Variants in ACSBG1 observed in about 807,000 individuals in gnomAD.
ACSBG1 encodes the protein long-chain-fatty-acid--CoA ligase ACSBG1.
Under a neutral mutation model 80.2 loss-of-function variants are expected in ACSBG1, and 39 were observed. The ratio of observed to expected loss-of-function variants is 0.49; its 90% CI spans 0.38 to 0.64. The LOEUF (loss-of-function observed/expected upper bound fraction) is 0.64. ACSBG1 is among the 30% of genes least tolerant of loss of function. ACSBG1 has a pLI of 0.00. For synonymous variants in ACSBG1, 392 were observed against 379.5 expected (o/e 1.03, Z -0.38); for missense variants, 828 against 966.4 (o/e 0.86, Z 1.90).
At chr15:78,210,970 A>G (rs1186958985) in intron 1 of ACSBG1, among the ~76,000 whole-genome samples, 1 of 152,236 alleles carries the variant, frequency 6.6e-6, no homozygotes, top group Admixed American at 6.5e-5. Context: ...TGCTACTTTC[A>G]GTGTGCTGGC....
chr15:78,199,094 C>CTT, intron 2 of ACSBG1, among the ~76,000 whole-genome samples: 1 of 151,560 alleles, frequency 6.6e-6, no homozygotes, highest in Non-Finnish European at 1.5e-5. Context: ...CAATATTTTT[C>CTT]TTTTCTTTTC....
chr15:78,215,037 C>G lies in ACSBG1; in HGVS notation c.132-6935G>C, dbSNP rs1198148946. On this transcript the variant is annotated intron_variant, in intron 1 of 13. Coordinates refer to ENST00000258873, the MANE Select transcript of ACSBG1 (RefSeq NM_015162.5). The stretch of plus-strand genomic sequence containing the variant: ...TTTGAGAAGCTGCTGGGAGCCCCCC[C>G]ATAGACCCCCATCAATGCACTTTGC... 2.6e-5 allele frequency among the ~76,000 whole-genome samples: 4 copies of G among 152,272 alleles called. No homozygotes were observed. In the Middle Eastern group the frequency reaches 0.01, roughly 388 times the overall value.
intron 1 of ACSBG1, among the ~76,000 whole-genome samples, chr15:78,219,834 A>G (rs1235957220): frequency 6.6e-6 from 1 of 152,082 alleles, no homozygotes; most frequent in African/African-American, 2.4e-5. Flanking sequence ...AATACAAAAA[A>G]TTAGCTGGGC....
chr15:78,210,882 G>C (rs1003450323), intron 1 of ACSBG1, among the ~76,000 whole-genome samples: 1 of 152,166 alleles, frequency 6.6e-6, no homozygotes, highest in East Asian at 1.9e-4. Flanking sequence ...CTAAAGTACT[G>C]GGATTATAGG....
chr15:78,193,903 G>A (rs1307196481), intron 4 of ACSBG1, 29 bp downstream of exon 4: 2 of 1,611,316 alleles, frequency 1.2e-6, no homozygotes, highest in Non-Finnish European at 1.7e-6. Context: ...CAACCCCCTG[G>A]AGACCCCGTC....
intron 1 of ACSBG1, 52 bp downstream of exon 1, chr15:78,234,319 T>C: frequency 6.3e-7 from 1 of 1,592,938 alleles, no homozygotes; most frequent in Non-Finnish European, 8.5e-7. Flanking sequence ...CAGAGCAAAG[T>C]CTAGAACTCG....
At position 78,180,889 on chromosome 15, in the gene ACSBG1, C is replaced by CATGTGT; in HGVS notation, c.1113_1118dup (p.His372_Met373insIleHis). On this transcript the variant is annotated inframe_insertion, in exon 9 of 14. Transcript: ENST00000258873. ...TCTTCTCCCATACCCGGGGCACCCC[C>CATGTGT]ATGTGTGATGTGGGCTCCACCTCCC... 6.2e-7 allele frequency: 1 copy of CATGTGT among 1,614,246 alleles called. No homozygotes were observed. The highest frequency in any genetic ancestry group is 8.5e-7 in the Non-Finnish European group (1 of 1,180,054).
At chr15:78,186,197 G>T (rs1265552766) in intron 5 of ACSBG1, among the ~76,000 whole-genome samples, 1 of 151,946 alleles carries the variant, frequency 6.6e-6, no homozygotes, top group African/African-American at 2.4e-5. Flanking sequence ...TTTTATCAGA[G>T]ACTAGGCTTA....
intron 1 of ACSBG1, among the ~76,000 whole-genome samples, chr15:78,234,023 G>A (rs1458119405): frequency 6.6e-6 from 1 of 152,204 alleles, no homozygotes; most frequent in South Asian, 2.1e-4. Flanking sequence ...AAACTTATCT[G>A]TCTTTGACCC....
intron 1 of ACSBG1, among the ~76,000 whole-genome samples, chr15:78,223,816 T>C (rs1201756567): frequency 6.6e-6 from 1 of 152,224 alleles, no homozygotes; most frequent in African/African-American, 2.4e-5. Flanking sequence ...CCAGTTGGGC[T>C]CTAAATTCAA....
At chr15:78,196,977 T>C (rs1040134263) in intron 2 of ACSBG1, among the ~76,000 whole-genome samples, 23 of 151,560 alleles carry the variant, frequency 1.5e-4, no homozygotes, top group Non-Finnish European at 2.5e-4. Flanking sequence ...GGTGGGAGGA[T>C]TGTTTGAGTA....
At chr15:78,208,432 C>T (rs984427929) in intron 1 of ACSBG1, among the ~76,000 whole-genome samples, 5 of 152,192 alleles carry the variant, frequency 3.3e-5, no homozygotes, top group African/African-American at 1.2e-4. Context: ...AGCACCCCAC[C>T]TGGATGAGGA....
chr15:78,186,243 C>T (rs1406790277), intron 5 of ACSBG1, among the ~76,000 whole-genome samples: 4 of 152,068 alleles, frequency 2.6e-5, no homozygotes, highest in African/African-American at 9.7e-5. Context: ...ACTTTAACAC[C>T]CCATTGTCAA....
chr15:78,169,114 CA>C lies in ACSBG1; in HGVS notation c.*2329del. ...TTGGTTTGCTTGTTTCTTGACAGTA[CA>C]TTTTTAGATCTGGCCTTTTCTTAAC... On this transcript the variant is annotated 3_prime_UTR_variant, in exon 14 of 14. Coordinates refer to ENST00000258873, the MANE Select transcript of ACSBG1 (RefSeq NM_015162.5). The C allele has an allele frequency of 1.6e-6, 1 of 616,814 alleles. No homozygotes were observed. The highest frequency in any genetic ancestry group is 2.7e-6 in the Non-Finnish European group (1 of 363,948). 38.2% of individuals were successfully genotyped at this position (616,814 alleles called of 1,614,324 possible).
At position 78,184,137 on chromosome 15, in the gene ACSBG1, G is replaced by A. The variant is rs182861693; in HGVS notation, c.664-1352C>T. 9.2e-5 allele frequency among the ~76,000 whole-genome samples: 14 copies of A among 152,212 alleles called. No homozygotes were observed. The East Asian group carries it at 2.7e-3, about 29-fold the overall frequency. ...TTCAGTGGCACTCTAAAGGCAAAAA[G>A]GAATTTCAAATTCTATGCAATAGTC... On this transcript the variant is annotated intron_variant, in intron 5 of 13. Transcript: ENST00000258873.
At chr15:78,233,434 A>T (rs2075465521) in intron 1 of ACSBG1, among the ~76,000 whole-genome samples, 1 of 152,042 alleles carries the variant, frequency 6.6e-6, no homozygotes. Context: ...ATTCCTCCCC[A>T]TTACTACAGA....
In ACSBG1 at chr15:78,181,999, C is replaced by T. The variant is rs1460574385; in HGVS notation, c.1041G>A (p.Gln347=). The T allele has an allele frequency of 6.2e-7, 1 of 1,614,132 alleles. No individual in the cohort carries two copies. The highest frequency in any genetic ancestry group is 8.5e-7 in the Non-Finnish European group (1 of 1,180,010). The stretch of plus-strand genomic sequence containing the variant: ...GGGCGTCGGGTTCGGCAAAGCAAAC[C>T]TGGGCCCCCCACTGGATGCCTGTCC... ...DLWTGIQWGA[Q]VCFAEPDALK... is the part of the protein sequence containing the mutation. Residue 347 remains glutamine, a synonymous_variant, in exon 8 of 14, where the codon CAG becomes CAA. Coordinates refer to ENST00000258873, the MANE Select transcript of ACSBG1 (RefSeq NM_015162.5).
At chr15:78,183,651 G>T (rs1195580595) in intron 5 of ACSBG1, among the ~76,000 whole-genome samples, 1 of 152,212 alleles carries the variant, frequency 6.6e-6, no homozygotes, top group African/African-American at 2.4e-5. Flanking sequence ...ATAAAGGGAA[G>T]AAGAAAGGGA....
chr15:78,176,132 TC>T (rs2074880847), intron 11 of ACSBG1, among the ~76,000 whole-genome samples: 3 of 152,176 alleles, frequency 2.0e-5, no homozygotes, highest in African/African-American at 7.2e-5. Context: ...GGTCTCGAAT[TC>T]CTGAGCTCAA....
Sources: allele counts gnomAD v4.1 joint callset (sites outside exome capture counted in the v4.1 genomes callset), GRCh38; gene constraint gnomAD v4.1.1; transcripts MANE v1.5; gene names NCBI Gene and HGNC (gene_info 2026-07-23, HGNC 2026-07-21).